The following KCNN2 variants were observed in gnomAD, a reference collection of about 807,000 sequenced individuals.
The protein encoded by KCNN2 is small conductance calcium-activated potassium channel protein 2.
In KCNN2, 24 loss-of-function variants were observed where a neutral mutation model predicts 55.5. The ratio of observed to expected loss-of-function variants is 0.43; its 90% CI spans 0.31 to 0.61. The LOEUF (loss-of-function observed/expected upper bound fraction) is 0.61. Among genes scored for constraint, KCNN2 ranks in the 20% least tolerant of loss-of-function variants. The pLI is 0.08. For synonymous variants in KCNN2, 431 were observed against 336.1 expected, an observed-to-expected ratio of 1.28 and a Z score of -3.09; for missense variants, 754 against 853.6, an observed-to-expected ratio of 0.88 and a Z score of 1.45.
chr5:114,134,492 T>G (rs1165818549), intron 1 of KCNN2, among the ~76,000 whole-genome samples: 1 of 150,342 alleles, frequency 6.7e-6, no homozygotes, highest in South Asian at 2.1e-4. Flanking sequence ...TATTTATTTA[T>G]TTATTTATTT....
intron 5 of KCNN2, among the ~76,000 whole-genome samples, chr5:114,476,107 T>A (rs1761953545): frequency 6.6e-6 from 1 of 151,906 alleles, no homozygotes. Context: ...TACATATGTA[T>A]ACATGTGCCA....
chr5:114,215,166 A>G (rs571291790), intron 1 of KCNN2, among the ~76,000 whole-genome samples: 158 of 152,228 alleles, frequency 1.0e-3, no homozygotes, highest in Admixed American at 1.8e-3. Context: ...TCGTATTTGT[A>G]TTGTATAGGA....
chr5:114,340,283 G>T (rs544205907), intron 2 of KCNN2, among the ~76,000 whole-genome samples: 26 of 152,216 alleles, frequency 1.7e-4, no homozygotes, highest in African/African-American at 5.3e-4. Flanking sequence ...TTCTATTTAA[G>T]TTGCCCCAAT....
chr5:114,375,952 G>GTGTGTATATATATATATATATATATA (rs1249028214), intron 2 of KCNN2, among the ~76,000 whole-genome samples: 1 of 104,722 alleles, frequency 9.5e-6, no homozygotes, highest in Non-Finnish European at 1.9e-5. Flanking sequence ...GACTCACAGT[G>GTGTGTATATATATATATATATATATA]TATATATATA....
chr5:114,062,075 G>A (rs1022988532), intron 1 of KCNN2, among the ~76,000 whole-genome samples: 1 of 150,834 alleles, frequency 6.6e-6, no homozygotes, highest in African/African-American at 2.4e-5. Flanking sequence ...TTTGCTTATG[G>A]TTATTTATTT....
At chr5:114,385,142 C>T (rs1193889495) in intron 2 of KCNN2, among the ~76,000 whole-genome samples, 2 of 152,026 alleles carry the variant, frequency 1.3e-5, no homozygotes, top group Non-Finnish European at 1.5e-5. Flanking sequence ...AATAAACTGT[C>T]AGGCCACCAA....
chr5:114,114,062 G>T (rs1751662392), intron 1 of KCNN2, among the ~76,000 whole-genome samples: 1 of 152,034 alleles, frequency 6.6e-6, no homozygotes, highest in South Asian at 2.1e-4. Flanking sequence ...CCCTTTTCTT[G>T]TAAGTCTCTT....
At chr5:114,245,686 C>A (rs1347133507) in intron 2 of KCNN2, among the ~76,000 whole-genome samples, 1 of 151,870 alleles carries the variant, frequency 6.6e-6, no homozygotes, top group Non-Finnish European at 1.5e-5. Flanking sequence ...GTCAAAAAAC[C>A]CCTAAAAACA....
upstream of KCNN2, among the ~76,000 whole-genome samples, chr5:114,358,296 C>A (rs79494314): frequency 6.6e-6 from 1 of 151,892 alleles, no homozygotes; most frequent in African/African-American, 2.4e-5. Flanking sequence ...AAAAAGTGGG[C>A]GAAGGAGATG....
intron 1 of KCNN2, among the ~76,000 whole-genome samples, chr5:114,182,494 C>T (rs1753259541): frequency 6.6e-6 from 1 of 152,018 alleles, no homozygotes; most frequent in African/African-American, 2.4e-5. Context: ...TTGAGCCTTC[C>T]AACCACTAAC....
chr5:114,169,550 C>G (rs1752987701), intron 1 of KCNN2, among the ~76,000 whole-genome samples: 1 of 152,072 alleles, frequency 6.6e-6, no homozygotes, highest in Non-Finnish European at 1.5e-5. Flanking sequence ...CTTTTATCTC[C>G]TCTGCAGTTT....
intron 1 of KCNN2, among the ~76,000 whole-genome samples, chr5:114,205,981 C>T (rs924556211): frequency 2.0e-5 from 3 of 152,128 alleles, no homozygotes; most frequent in African/African-American, 4.8e-5. Flanking sequence ...ATTTTCTACT[C>T]TAGATGTTCT....
chr5:114,250,680 G>A (rs1366465611), intron 2 of KCNN2, among the ~76,000 whole-genome samples: 1 of 152,188 alleles, frequency 6.6e-6, no homozygotes, highest in Non-Finnish European at 1.5e-5. Flanking sequence ...GCCCCTGAAG[G>A]AATGCAGGCA....
intron 5 of KCNN2, among the ~76,000 whole-genome samples, chr5:114,484,118 G>A (rs1290484748): frequency 1.3e-5 from 2 of 152,114 alleles, no homozygotes; most frequent in Non-Finnish European, 2.9e-5. Context: ...TATGTGCTGT[G>A]GTGCCCAGTT....
At chr5:114,299,420 T>C (rs1756105296) in intron 2 of KCNN2, among the ~76,000 whole-genome samples, 1 of 152,202 alleles carries the variant, frequency 6.6e-6, no homozygotes, top group African/African-American at 2.4e-5. Flanking sequence ...GTGCTGAGTG[T>C]AGCCCCATTT....
chr5:114,190,992 C>T (rs1420569404), intron 1 of KCNN2, among the ~76,000 whole-genome samples: 1 of 152,104 alleles, frequency 6.6e-6, no homozygotes, highest in Non-Finnish European at 1.5e-5. Context: ...GATTACAAAG[C>T]TGAGAACACA....
chr5:114,278,492 G>A (rs142653977), intron 2 of KCNN2, among the ~76,000 whole-genome samples: 6 of 152,368 alleles, frequency 3.9e-5, no homozygotes, highest in South Asian at 2.1e-4. Flanking sequence ...TTGCTGAGCT[G>A]CAGTGGGCTC....
chr5:114,262,649 G>A (rs1159158224), intron 2 of KCNN2, among the ~76,000 whole-genome samples: 5 of 152,164 alleles, frequency 3.3e-5, no homozygotes, highest in African/African-American at 1.2e-4. Flanking sequence ...ATTCTTCATG[G>A]CATGAGAAGT....
intron 1 of KCNN2, among the ~76,000 whole-genome samples, chr5:114,216,371 A>G (rs1754001364): frequency 6.6e-6 from 1 of 152,160 alleles, no homozygotes; most frequent in South Asian, 2.1e-4. Context: ...TCAGTTGTTA[A>G]CACTTTGGGA....
Sources: allele counts gnomAD v4.1 joint callset (sites outside exome capture counted in the v4.1 genomes callset), GRCh38; gene constraint gnomAD v4.1.1; transcripts MANE v1.5; gene names NCBI Gene and HGNC (gene_info 2026-07-23, HGNC 2026-07-21).